LIN28B: variants seen among roughly 807,000 people sequenced by gnomAD.
The protein encoded by LIN28B is protein lin-28 homolog B.
In LIN28B, 5 loss-of-function variants were observed where a neutral mutation model predicts 21.9. That is an observed-to-expected ratio of 0.23 (90% CI 0.12 to 0.48). The LOEUF is 0.48. LIN28B is among the 20% of genes least tolerant of loss of function. The pLI is 0.98. For missense variants in LIN28B, 245 were observed against 310.5 expected (o/e 0.79, Z 1.58); for synonymous variants, 109 against 111.3 (o/e 0.98, Z 0.13).
upstream of LIN28B, among the ~76,000 whole-genome samples, chr6:104,956,243 C>T (rs903634575): frequency 1.3e-5 from 2 of 152,084 alleles, no homozygotes; most frequent in Admixed American, 1.3e-4. Context: ...ATCCCCTCCC[C>T]CTCCTGCCCT....
intron 2 of LIN28B, among the ~76,000 whole-genome samples, chr6:105,002,337 A>G (rs1472326033): frequency 6.6e-6 from 1 of 152,122 alleles, no homozygotes; most frequent in East Asian, 1.9e-4. Flanking sequence ...ATAATATGAT[A>G]TCTCATAATC....
intron 3 of LIN28B, among the ~76,000 whole-genome samples, chr6:105,040,059 C>A (rs189021627): frequency 2.6e-5 from 4 of 152,130 alleles, no homozygotes; most frequent in African/African-American, 9.6e-5. Flanking sequence ...TTTTTCTCCT[C>A]GTTTACTCAG....
At chr6:104,976,107 CTG>C (rs1227014212) in intron 2 of LIN28B, among the ~76,000 whole-genome samples, 1 of 152,146 alleles carries the variant, frequency 6.6e-6, no homozygotes, top group African/African-American at 2.4e-5. Context: ...CCACATGTAG[CTG>C]TTTTAATTTT....
At chr6:105,065,705 T>A (rs959752065) in intron 3 of LIN28B, among the ~76,000 whole-genome samples, 3 of 152,240 alleles carry the variant, frequency 2.0e-5, no homozygotes, top group African/African-American at 7.2e-5. Context: ...TAGTCTTCTT[T>A]TGGCTCTTGC....
At chr6:105,078,390 TG>T (rs1257871591) in intron 3 of LIN28B, 23 bp from the exon 4 acceptor site, 1 of 1,574,530 alleles carries the variant, frequency 6.4e-7, no homozygotes. Context: ...ACTTCTAAGA[TG>T]TTTTCATCTT....
At chr6:105,047,593 A>G (rs1242043592) in intron 3 of LIN28B, among the ~76,000 whole-genome samples, 4 of 152,194 alleles carry the variant, frequency 2.6e-5, no homozygotes, top group Admixed American at 6.5e-5. Flanking sequence ...CATTGAATCT[A>G]TAAATTACCT....
chr6:105,042,868 C>T (rs1771664538), intron 3 of LIN28B, among the ~76,000 whole-genome samples: 1 of 151,996 alleles, frequency 6.6e-6, no homozygotes, highest in Non-Finnish European at 1.5e-5. Context: ...ACAGAGGTGG[C>T]TTTTAGCCTC....
intron 2 of LIN28B, among the ~76,000 whole-genome samples, chr6:104,999,230 C>CT (rs1185550017): frequency 9.9e-5 from 15 of 152,250 alleles, no homozygotes; most frequent in Non-Finnish European, 1.9e-4. Flanking sequence ...ACCTTGAACT[C>CT]TAAGGCTCAA....
chr6:105,033,049 AGAT>A (rs906243542), intron 3 of LIN28B, among the ~76,000 whole-genome samples: 11 of 152,156 alleles, frequency 7.2e-5, no homozygotes, highest in African/African-American at 2.4e-4. Flanking sequence ...ATTTGAATGA[AGAT>A]GATTTATCAA....
Position 104,988,660 on chromosome 6 carries a change from C to T in LIN28B, c.198+30374C>T, listed in dbSNP as rs751590235. 1.1e-3 allele frequency among the ~76,000 whole-genome samples: 164 copies of T among 151,906 alleles called. 3 individuals are homozygous for T. The highest frequency in any genetic ancestry group is 6.8e-3 in the Middle Eastern group (2 of 294). ...CATCTCAACTCACTGCAACCTCCGC[C>T]TCCCAGGTTCAAGTGATTCTCCTGC... On this transcript the variant is annotated intron_variant, in intron 2 of 3. Coordinates refer to ENST00000345080, the MANE Select transcript of LIN28B (RefSeq NM_001004317.4).
At chr6:104,978,477 A>C (rs1480862498) in intron 2 of LIN28B, among the ~76,000 whole-genome samples, 1 of 152,130 alleles carries the variant, frequency 6.6e-6, no homozygotes, top group Admixed American at 6.6e-5. Flanking sequence ...AGAAATCAGT[A>C]ACACTAATTT....
At chr6:105,016,046 G>T (rs1279495634) in intron 2 of LIN28B, among the ~76,000 whole-genome samples, 5 of 152,078 alleles carry the variant, frequency 3.3e-5, no homozygotes, top group Non-Finnish European at 7.4e-5. Context: ...TATTTCAACA[G>T]TGCAACATTA....
intron 3 of LIN28B, among the ~76,000 whole-genome samples, chr6:105,056,972 G>T (rs1554190637): frequency 6.6e-6 from 1 of 152,152 alleles, no homozygotes; most frequent in Non-Finnish European, 1.5e-5. Context: ...ACAATAAACA[G>T]TTGCGTCTTA....
intron 2 of LIN28B, among the ~76,000 whole-genome samples, chr6:105,007,924 C>T (rs1029251355): frequency 6.6e-6 from 1 of 152,138 alleles, no homozygotes; most frequent in Non-Finnish European, 1.5e-5. Context: ...GTATTACAGG[C>T]GTGAGCCACC....
chr6:104,979,157 A>G (rs1003210459), intron 2 of LIN28B, among the ~76,000 whole-genome samples: 4 of 151,778 alleles, frequency 2.6e-5, no homozygotes, highest in Non-Finnish European at 4.4e-5. Context: ...ACATGTGATT[A>G]TAGGATATTT....
rs1275579447 is a variant in LIN28B, at chr6:104,987,849, A to C, written c.198+29563A>C. ...CACCTCCACCTCCTGGGTTCAAGTGATCTCCTGCCCCAGCCTTCCGAGTAG... is the reference window on the plus strand; with the variant it reads ...CACCTCCACCTCCTGGGTTCAAGTGCTCTCCTGCCCCAGCCTTCCGAGTAG... On this transcript the variant is annotated intron_variant, in intron 2 of 3. Coordinates refer to ENST00000345080, the MANE Select transcript of LIN28B (RefSeq NM_001004317.4). Among the ~76,000 whole-genome samples the C allele has an allele frequency of 2.0e-5, 3 of 151,890 alleles. No homozygotes were observed. In the East Asian group the frequency reaches 5.8e-4, roughly 29 times the overall value.
chr6:105,000,982 CAT>C (rs1231746548), intron 2 of LIN28B, among the ~76,000 whole-genome samples: 1 of 151,640 alleles, frequency 6.6e-6, no homozygotes, highest in Admixed American at 6.6e-5. Flanking sequence ...GATGTGAAAA[CAT>C]ATATATATTG....
At position 105,082,038 on chromosome 6, in the gene LIN28B, G is replaced by A. The variant is rs1428584159; in HGVS notation, c.*3255G>A. 2 of 152,562 alleles carry A rather than the reference G, an allele frequency of 1.3e-5. No homozygotes were observed. The highest frequency in any genetic ancestry group is 2.9e-5 in the Non-Finnish European group (2 of 68,044). 9.5% of individuals were successfully genotyped at this position (152,562 alleles called of 1,614,324 possible). ...ACCTCACCCTCATGTCAACACAAAT[G>A]TAATTCCTAAACAAGATGCATTGCC... On this transcript the variant is annotated 3_prime_UTR_variant, in exon 4 of 4. Transcript: ENST00000345080.
chr6:105,077,308 TAGAA>T (rs1320958871), intron 3 of LIN28B, among the ~76,000 whole-genome samples: 2 of 152,196 alleles, frequency 1.3e-5, no homozygotes, highest in South Asian at 2.1e-4. Context: ...GAAAATAAAA[TAGAA>T]AGCTCTTAAA....
Sources: allele counts gnomAD v4.1 joint callset (sites outside exome capture counted in the v4.1 genomes callset), GRCh38; gene constraint gnomAD v4.1.1; transcripts MANE v1.5; gene names NCBI Gene and HGNC (gene_info 2026-07-23, HGNC 2026-07-21).